The following HSP90AA1 variants were observed in gnomAD, a reference collection of about 807,000 sequenced individuals.
HSP90AA1 encodes the protein heat shock protein HSP 90-alpha.
HSP90AA1 carries 18 observed loss-of-function variants against 73.3 expected under a neutral mutation model. That is an observed-to-expected ratio of 0.25 (90% CI 0.17 to 0.36). HSP90AA1 has a LOEUF of 0.36. HSP90AA1 is among the 10% of genes least tolerant of loss of function. HSP90AA1 has a pLI of 1.00. For synonymous variants in HSP90AA1, 477 were observed against 296.9 expected (o/e 1.61, Z -6.24); for missense variants, 704 against 874.2 (o/e 0.81, Z 2.45).
chr14:102,082,942 T>C, intron 9 of HSP90AA1, 92 bp downstream of exon 9: 1 of 1,339,274 alleles, frequency 7.5e-7, no homozygotes, highest in East Asian at 2.3e-5. Context: ...TTTTCTGTTT[T>C]AAGTTGAAAA....
At chr14:102,117,673 C>A (rs1020280397) in intron 1 of HSP90AA1, among the ~76,000 whole-genome samples, 4 of 152,174 alleles carry the variant, frequency 2.6e-5, no homozygotes, top group African/African-American at 9.7e-5. Flanking sequence ...ATACCTCATT[C>A]TTCTTGTTCA....
intron 2 of HSP90AA1, among the ~76,000 whole-genome samples, chr14:102,095,934 G>A (rs1247681864): frequency 6.6e-6 from 1 of 152,154 alleles, no homozygotes; most frequent in Non-Finnish European, 1.5e-5. Flanking sequence ...CCAGGACACT[G>A]AGCCTGTAGT....
chr14:102,132,452 C>T (rs1188211386), intron 1 of HSP90AA1, among the ~76,000 whole-genome samples: 1 of 152,002 alleles, frequency 6.6e-6, no homozygotes, highest in Non-Finnish European at 1.5e-5. Context: ...GAGGCTGGGA[C>T]AGGAGGATGG....
chr14:102,089,433 C>T (rs764553603), upstream of HSP90AA1, among the ~76,000 whole-genome samples: 1 of 152,204 alleles, frequency 6.6e-6, no homozygotes, highest in African/African-American at 2.4e-5. Context: ...TTTGTCCTGT[C>T]TCCAGGTGAC....
At chr14:102,126,003 G>C (rs1849801464) in intron 1 of HSP90AA1, among the ~76,000 whole-genome samples, 1 of 152,178 alleles carries the variant, frequency 6.6e-6, no homozygotes, top group Non-Finnish European at 1.5e-5. Flanking sequence ...TATATTATTA[G>C]AAATTGTGCT....
rs79623777 is a variant in HSP90AA1 at position 102,094,235 on chromosome 14, G to A, written c.366+7640C>T. 4.1e-3 allele frequency among the ~76,000 whole-genome samples: 617 copies of A among 152,332 alleles called. 10 individuals are homozygous for A. In the East Asian group the frequency reaches 0.047, roughly 12 times the overall value. On this transcript the variant is annotated intron_variant, in intron 2 of 11. Coordinates refer to the HSP90AA1 transcript ENST00000334701. ...TCGTTCCCCTCCCCTCCCACTGTTGGCAGCACTGAGTGCGGCTGAAAAAAA... is the reference window on the plus strand; with the variant it reads ...TCGTTCCCCTCCCCTCCCACTGTTGACAGCACTGAGTGCGGCTGAAAAAAA...
At chr14:102,100,674 C>G (rs1487787334) in intron 2 of HSP90AA1, among the ~76,000 whole-genome samples, 1 of 152,240 alleles carries the variant, frequency 6.6e-6, no homozygotes, top group Non-Finnish European at 1.5e-5. Context: ...ATCTGCCCGC[C>G]TGGGCCTCCC....
chr14:102,114,405 G>A (rs998360098), intron 1 of HSP90AA1, among the ~76,000 whole-genome samples: 4 of 152,176 alleles, frequency 2.6e-5, no homozygotes, highest in Admixed American at 6.6e-5. Context: ...AAAGCCATTT[G>A]GAAGATCTGA....
At chr14:102,125,862 G>C (rs1292213919) in intron 1 of HSP90AA1, among the ~76,000 whole-genome samples, 2 of 151,246 alleles carry the variant, frequency 1.3e-5, no homozygotes, top group Non-Finnish European at 3.0e-5. Context: ...AGTACCTATT[G>C]AATGTCAGGC....
chr14:102,121,028 C>T (rs574264752), intron 1 of HSP90AA1, among the ~76,000 whole-genome samples: 87 of 145,540 alleles, frequency 6.0e-4, no homozygotes, highest in Non-Finnish European at 9.7e-4. Flanking sequence ...CACATACACA[C>T]ACACACACAC....
chr14:102,111,393 C>T (rs1451495416), intron 1 of HSP90AA1, among the ~76,000 whole-genome samples: 1 of 152,200 alleles, frequency 6.6e-6, no homozygotes, highest in Non-Finnish European at 1.5e-5. Flanking sequence ...GGTGCAAGCC[C>T]CAAGCCTTGG....
exon 2 of HSP90AA1, chr14:102,101,946 A>G (rs2049498987): frequency 6.2e-7 from 1 of 1,614,158 alleles, no homozygotes; most frequent in Non-Finnish European, 8.5e-7. Flanking sequence ...CTCTGTCTGA[A>G]GGCCAGTGAC....
rs376647379 is a variant in HSP90AA1 at position 102,134,385 on chromosome 14, T to TG, written c.155+4864dup. On this transcript the variant is annotated intron_variant, in intron 1 of 11. Coordinates refer to the HSP90AA1 transcript ENST00000334701. ...ACGTTAGACTGGAATGGAGAATTTA[T>TG]GCAGTAGGTAAGAAACAGGCTGAGA... Among the ~76,000 whole-genome samples, 804 of 149,694 alleles carry TG rather than the reference T, an allele frequency of 5.4e-3. 7 individuals are homozygous for TG. The highest frequency in any genetic ancestry group is 0.019 in the African/African-American group (768 of 40,148).
chr14:102,120,998 T>TACACAC lies in HSP90AA1; in HGVS notation c.155+18246_155+18251dup, dbSNP rs758133126. ...ATATTATACATACTAATCTGCAACA[T>TACACAC]ACACACACACACACACACACACATA... On this transcript the variant is annotated intron_variant, in intron 1 of 11. Transcript: ENST00000334701. 5.3e-4 allele frequency among the ~76,000 whole-genome samples: 79 copies of TACACAC among 149,430 alleles called. 1 individual carries two copies. The highest frequency in any genetic ancestry group is 1.9e-3 in the African/African-American group (76 of 40,004).
intron 1 of HSP90AA1, among the ~76,000 whole-genome samples, chr14:102,131,056 G>A (rs1234288109): frequency 6.6e-6 from 1 of 152,160 alleles, no homozygotes; most frequent in Non-Finnish European, 1.5e-5. Flanking sequence ...GCTGATAACT[G>A]CAGAATACAG....
chr14:102,094,203 G>A (rs1393986687), intron 2 of HSP90AA1, among the ~76,000 whole-genome samples: 12 of 152,218 alleles, frequency 7.9e-5, no homozygotes. Flanking sequence ...CCGGGAAGCC[G>A]GCAAACTCGT....
intron 1 of HSP90AA1, among the ~76,000 whole-genome samples, chr14:102,125,146 C>T (rs781079745): frequency 6.6e-6 from 1 of 152,044 alleles, no homozygotes; most frequent in Non-Finnish European, 1.5e-5. Flanking sequence ...CATGTATCAC[C>T]ATATCTAGTT....
At chr14:102,088,554 C>G (rs962947450), upstream of HSP90AA1, among the ~76,000 whole-genome samples, 1 of 152,226 alleles carries the variant, frequency 6.6e-6, no homozygotes, top group Non-Finnish European at 1.5e-5. Context: ...AGGAAACTAG[C>G]AGCCACGTGG....
At chr14:102,090,049 G>C (rs2049333077), upstream of HSP90AA1, among the ~76,000 whole-genome samples, 1 of 152,120 alleles carries the variant, frequency 6.6e-6, no homozygotes, top group Non-Finnish European at 1.5e-5. Context: ...GAGGAAGACA[G>C]AGCTCTTTAG....
Sources: allele counts gnomAD v4.1 joint callset (sites outside exome capture counted in the v4.1 genomes callset), GRCh38; gene constraint gnomAD v4.1.1; transcripts MANE v1.5; gene names NCBI Gene and HGNC (gene_info 2026-07-23, HGNC 2026-07-21).